The following MTHFD1 variants were observed in gnomAD, a reference collection of about 807,000 sequenced individuals.
The protein encoded by MTHFD1 is methylenetetrahydrofolate dehydrogenase, cyclohydrolase and formyltetrahydrofolate synthetase 1, also known as C-1-tetrahydrofolate synthase, cytoplasmic.
MTHFD1 carries 44 observed loss-of-function variants against 110.3 expected under a neutral mutation model. The observed-to-expected ratio is 0.40, with a 90% confidence interval of 0.31 to 0.51. The LOEUF (loss-of-function observed/expected upper bound fraction) is 0.51. Among genes scored for constraint, MTHFD1 ranks in the 20% least tolerant of loss-of-function variants. The pLI is 0.60. For synonymous variants in MTHFD1, 402 were observed against 428.8 expected (o/e 0.94, Z 0.77); for missense variants, 909 against 1,173.1 (o/e 0.77, Z 3.29).
chr14:64,395,914 A>C (rs2077844952), intron 1 of MTHFD1, among the ~76,000 whole-genome samples: 1 of 152,188 alleles, frequency 6.6e-6, no homozygotes, highest in Non-Finnish European at 1.5e-5. Context: ...GAATTATAGG[A>C]TTCATTAAAA....
chr14:64,453,162 GTATCTA>G (rs1229177091), intron 24 of MTHFD1, among the ~76,000 whole-genome samples: 4 of 151,900 alleles, frequency 2.6e-5, no homozygotes, highest in South Asian at 2.1e-4. Flanking sequence ...ATTAATATGT[GTATCTA>G]TATCTATATA....
rs1303706994 is a variant in MTHFD1, at chr14:64,417,690, G to A, written c.479-198G>A. Among the ~76,000 whole-genome samples, 2 of 152,166 alleles carry A rather than the reference G, an allele frequency of 1.3e-5. No individual in the cohort carries two copies. The highest frequency in any genetic ancestry group is 2.9e-5 in the Non-Finnish European group (2 of 68,024). Reference sequence around the variant, plus strand: ...GCTCCCAAAAACCCACGGCCAGAAGGACACAAGTACAAGTCCCAATTTATA... The same window carrying A: ...GCTCCCAAAAACCCACGGCCAGAAGAACACAAGTACAAGTCCCAATTTATA... On this transcript the variant is annotated intron_variant, in intron 6 of 27. Coordinates refer to ENST00000652337, the MANE Select transcript of MTHFD1 (RefSeq NM_005956.4). The surrounding 1 kb of genome is among the most constrained non-coding windows in gnomAD (Gnocchi z 4.4).
At chr14:64,420,523 C>T (rs1041037024) in intron 8 of MTHFD1, among the ~76,000 whole-genome samples, 6 of 152,164 alleles carry the variant, frequency 3.9e-5, no homozygotes, top group Admixed American at 3.9e-4. Context: ...CAAGCATTCC[C>T]TATATTGGAC....
intron 1 of MTHFD1, among the ~76,000 whole-genome samples, chr14:64,400,362 T>G (rs1413238473): frequency 6.8e-6 from 1 of 147,146 alleles, no homozygotes; most frequent in Admixed American, 6.9e-5. Context: ...CACTCCAGCC[T>G]GGGCAATGAG....
chr14:64,430,283 G>GA, intron 13 of MTHFD1, 53 bp downstream of exon 13: 2 of 1,535,112 alleles, frequency 1.3e-6, no homozygotes, highest in Middle Eastern at 1.9e-4. Flanking sequence ...TTGTCGGGGG[G>GA]GAGGGTGCTG....
At position 64,444,748 on chromosome 14, in the gene MTHFD1, T is replaced by C; in HGVS notation, c.2178+14T>C. On this transcript the variant is annotated intron_variant, in intron 22 of 27. Transcript: ENST00000652337. ...TACATACAGGAGGTAACCTGAGTTATTTCTCATCACGTGTCCTAGAAAGCA... is the reference window on the plus strand; with the variant it reads ...TACATACAGGAGGTAACCTGAGTTACTTCTCATCACGTGTCCTAGAAAGCA... The C allele has an allele frequency of 1.2e-6, 2 of 1,613,818 alleles. No individual in the cohort carries two copies. Among genetic ancestry groups the C allele is most frequent in the Middle Eastern group, 1.6e-4 (1 of 6,062 alleles).
At chr14:64,390,945 G>A (rs1424574624) in intron 1 of MTHFD1, among the ~76,000 whole-genome samples, 1 of 151,964 alleles carries the variant, frequency 6.6e-6, no homozygotes, top group Non-Finnish European at 1.5e-5. Context: ...CACTGCACCG[G>A]TCCTAGAATT....
At chr14:64,438,088 G>T (rs982116435) in intron 16 of MTHFD1, among the ~76,000 whole-genome samples, 1 of 152,120 alleles carries the variant, frequency 6.6e-6, no homozygotes, top group Non-Finnish European at 1.5e-5. Flanking sequence ...GGTCAGGCTG[G>T]CCTCGAACTT....
chr14:64,400,051 A>G (rs1219659097), intron 1 of MTHFD1, among the ~76,000 whole-genome samples: 1 of 152,226 alleles, frequency 6.6e-6, no homozygotes, highest in African/African-American at 2.4e-5. Context: ...CTGAGATTAC[A>G]GGCATGAACC....
At chr14:64,441,936 T>C (rs2078252699) in intron 19 of MTHFD1, 118 bp from the exon 20 acceptor site, 3 of 742,420 alleles carry the variant, frequency 4.0e-6, no homozygotes, top group Non-Finnish European at 7.2e-6. Context: ...TGACTTTATA[T>C]TTTCCCTCTG....
At position 64,419,841 on chromosome 14, in the gene MTHFD1, G is replaced by A; in HGVS notation, c.643G>A (p.Ala215Thr). The A allele has an allele frequency of 6.2e-7, 1 of 1,613,972 alleles. No individual in the cohort carries two copies. The highest frequency in any genetic ancestry group is 8.5e-7 in the Non-Finnish European group (1 of 1,179,884). Residue 215 changes from alanine (A) to threonine (T), a missense_variant, in exon 8 of 28, where the codon GCA (alanine) becomes ACA (threonine). By Grantham distance (58) the Ala-to-Thr change is moderately conservative. Around this residue, in one of 3 missense-constraint regions of MTHFD1, gnomAD observed 424 missense variants for 510.4 expected, o/e 0.83. Coordinates refer to ENST00000652337, the MANE Select transcript of MTHFD1 (RefSeq NM_005956.4). ...EVNKGDILVV[A>T]TGQPEMVKGE... ...AAATAAAGGTGACATCCTGGTGGTT[G>A]CAACTGGTCAGCCTGAAATGGTTAA...
intron 7 of MTHFD1, 151 bp downstream of exon 7, chr14:64,418,175 G>T (rs533576586): frequency 2.0e-6 from 2 of 1,005,408 alleles, no homozygotes; most frequent in African/African-American, 1.6e-5. Flanking sequence ...GGCTGAGTGG[G>T]GTGGCTGACA....
chr14:64,394,756 G>A (rs985204415), intron 1 of MTHFD1, among the ~76,000 whole-genome samples: 1 of 152,088 alleles, frequency 6.6e-6, no homozygotes, highest in South Asian at 2.1e-4. Flanking sequence ...TCCTTAGTAA[G>A]CAGCCTTTTA....
intron 26 of MTHFD1, chr14:64,455,206 T>A (rs550096385): frequency 5.5e-6 from 2 of 361,998 alleles, no homozygotes; most frequent in East Asian, 1.4e-4. Context: ...TCACAGTTAA[T>A]GTTTATTGGG....
At position 64,426,182 on chromosome 14, in the gene MTHFD1, G is replaced by C; in HGVS notation, c.1117G>C (p.Val373Leu). Residue 373 changes from valine to leucine, a missense_variant, in exon 11 of 28, where the codon GTG becomes CTG. Physicochemically the swap from Val to Leu is conservative, Grantham distance 32. Transcript: ENST00000652337. ...GCACCGGCCTGATGGGAAATACGTG[G>C]TGGTGACTGGGTATGCTTTTTATTC... The part of the protein sequence containing the change: ...LKHRPDGKYV[V>L]VTGITPTPLG... 6.2e-7 allele frequency: 1 copy of C among 1,614,148 alleles called. No individual in the cohort carries two copies. The highest frequency in any genetic ancestry group is 8.5e-7 in the Non-Finnish European group (1 of 1,180,016).
chr14:64,446,764 G>T (rs1305643648), intron 22 of MTHFD1, among the ~76,000 whole-genome samples: 1 of 152,010 alleles, frequency 6.6e-6, no homozygotes, highest in Non-Finnish European at 1.5e-5. Flanking sequence ...GGATGGTCTC[G>T]ATCTCCTGAC....
In MTHFD1 at chr14:64,417,845, G is replaced by A. The variant is rs767222720; in HGVS notation, c.479-43G>A. The A allele has an allele frequency of 6.2e-6, 10 of 1,611,680 alleles. No homozygotes were observed. Among genetic ancestry groups the A allele is most frequent in the African/African-American group, 1.3e-5 (1 of 74,874 alleles). On this transcript the variant is annotated intron_variant, in intron 6 of 27. Coordinates refer to ENST00000652337, the MANE Select transcript of MTHFD1 (RefSeq NM_005956.4). This position sits in a 1 kb window ranked among gnomAD's most constrained non-coding sequence, Gnocchi z 4.4. ...TCCACGTGGCATGCGAAGGAGGGCA[G>A]CTTCTATCCTCCAACTCTGATGCAG...
At chr14:64,433,065 A>T (rs2078172860) in intron 15 of MTHFD1, among the ~76,000 whole-genome samples, 1 of 147,408 alleles carries the variant, frequency 6.8e-6, no homozygotes, top group African/African-American at 2.7e-5. Flanking sequence ...TCTGGCCACA[A>T]GGGATTTTTT....
chr14:64,422,841 C>G (rs1311480613), intron 8 of MTHFD1: 4 of 152,050 alleles, frequency 2.6e-5, no homozygotes, highest in African/African-American at 4.8e-5. Context: ...TCACTTTTTC[C>G]ACTGACCACA....
Sources: allele counts gnomAD v4.1 joint callset (sites outside exome capture counted in the v4.1 genomes callset), GRCh38; gene constraint gnomAD v4.1.1; regional missense constraint gnomAD v4.1.1; non-coding constraint Gnocchi (gnomAD v3.1); transcripts MANE v1.5; gene names NCBI Gene and HGNC (gene_info 2026-07-23, HGNC 2026-07-21).